STARD13: variants seen among roughly 807,000 people sequenced by gnomAD.
STARD13 encodes the protein StAR related lipid transfer domain containing 13.
Under a neutral mutation model 106.4 loss-of-function variants are expected in STARD13, and 62 were observed. The ratio of observed to expected loss-of-function variants is 0.58; its 90% CI spans 0.48 to 0.72. The LOEUF (loss-of-function observed/expected upper bound fraction) is 0.72. Among genes scored for constraint, STARD13 ranks in the 30% least tolerant of loss-of-function variants. The probability of loss-of-function intolerance (pLI) is 0.00; values close to 1 mark genes in which losing one functional copy is unlikely to be tolerated. For synonymous variants in STARD13, 565 were observed against 553.0 expected (o/e 1.02, Z -0.31); for missense variants, 1,387 against 1,424.0 (o/e 0.97, Z 0.42).
chr13:33,567,109 T>C, the STARD13 span, among the ~76,000 whole-genome samples: 8 of 148,420 alleles, frequency 5.4e-5, 1 homozygote, highest in African/African-American at 2.0e-4. Context: ...GGTTTAAATA[T>C]GTATTGCTGA....
chr13:33,673,197 G>C, the STARD13 span, among the ~76,000 whole-genome samples: 1 of 152,192 alleles, frequency 6.6e-6, no homozygotes, highest in African/African-American at 2.4e-5. Flanking sequence ...AGAATATCAC[G>C]TGTTTAATAT....
chr13:33,459,639 G>T, the STARD13 span, among the ~76,000 whole-genome samples: 1 of 152,146 alleles, frequency 6.6e-6, no homozygotes, highest in Admixed American at 6.5e-5. Context: ...TATGATAGGT[G>T]TGTTTACTTT....
At chr13:33,436,903 C>T in the STARD13 span, among the ~76,000 whole-genome samples, 1 of 152,114 alleles carries the variant, frequency 6.6e-6, no homozygotes, top group African/African-American at 2.4e-5. Context: ...AATCACCTCA[C>T]AAGGGTCAAC....
chr13:33,481,847 TGGC>T, the STARD13 span, among the ~76,000 whole-genome samples: 254 of 109,512 alleles, frequency 2.3e-3, no homozygotes, highest in Non-Finnish European at 2.9e-3. Context: ...GGCGTGGTGG[TGGC>T]GGGCGCCTGT....
At chr13:33,367,373 CA>C in the STARD13 span, among the ~76,000 whole-genome samples, 2,229 of 152,212 alleles carry the variant, frequency 0.015, 46 homozygotes, top group African/African-American at 0.049. Flanking sequence ...CTGCCTTAAA[CA>C]GTTAATCAAT....
chr13:33,499,740 TCCC>T, the STARD13 span, among the ~76,000 whole-genome samples: 23 of 140,450 alleles, frequency 1.6e-4, no homozygotes, highest in African/African-American at 6.2e-4. Context: ...CCTCTCCCTC[TCCC>T]TCTTCTTCTT....
chr13:33,160,869 A>G (rs1450362606), intron 3 of STARD13, among the ~76,000 whole-genome samples: 1 of 152,220 alleles, frequency 6.6e-6, no homozygotes, highest in Non-Finnish European at 1.5e-5. Flanking sequence ...GTTAATTATA[A>G]AGTTAAAATA....
At chr13:33,391,861 G>A in the STARD13 span, among the ~76,000 whole-genome samples, 1 of 152,068 alleles carries the variant, frequency 6.6e-6, no homozygotes, top group Non-Finnish European at 1.5e-5. Flanking sequence ...GCCTCTTGAT[G>A]GGATACCAAA....
chr13:33,516,165 G>T, the STARD13 span, among the ~76,000 whole-genome samples: 1 of 145,506 alleles, frequency 6.9e-6, no homozygotes, highest in African/African-American at 2.5e-5. Context: ...AATATATAAT[G>T]TATATATAAT....
the STARD13 span, among the ~76,000 whole-genome samples, chr13:33,654,242 A>G: frequency 1.3e-5 from 2 of 152,238 alleles, no homozygotes; most frequent in South Asian, 4.1e-4. Context: ...CCAAATGTCC[A>G]TCATCTGATG....
At chr13:33,313,762 C>G (rs936494346) in intron 1 of STARD13, among the ~76,000 whole-genome samples, 1 of 152,122 alleles carries the variant, frequency 6.6e-6, no homozygotes, top group African/African-American at 2.4e-5. Context: ...TAATCCAAGT[C>G]CTCTTACTCT....
the STARD13 span, among the ~76,000 whole-genome samples, chr13:33,651,894 G>A: frequency 1.3e-5 from 2 of 152,134 alleles, no homozygotes; most frequent in Non-Finnish European, 2.9e-5. Flanking sequence ...CCCCACCAAG[G>A]CATCAGGGAT....
Position 33,129,243 on chromosome 13 carries a change from C to T in STARD13, c.1434G>A (p.Glu478=). The T allele has an allele frequency of 6.2e-7, 1 of 1,614,208 alleles. No individual in the cohort carries two copies. Among genetic ancestry groups the T allele is most frequent in the African/African-American group, 1.3e-5 (1 of 75,060 alleles). The stretch of plus-strand genomic sequence containing the variant: ...CCAAGTGAGGGAAAAGGTCATCTTT[C>T]TCCAAGTCCAAAAGATCTCCTGTGC... The part of the protein sequence containing the change: ...YASTGDLLDL[E]KDDLFPHLDD... Residue 478 remains glutamate, a synonymous_variant, in exon 5 of 14, where the codon GAG becomes GAA. Transcript: ENST00000336934.
At chr13:33,373,005 GT>G in the STARD13 span, among the ~76,000 whole-genome samples, 2 of 152,060 alleles carry the variant, frequency 1.3e-5, no homozygotes, top group Non-Finnish European at 2.9e-5. Context: ...TTCTCTGAAA[GT>G]TTATTTCTTT....
At chr13:33,186,128 G>A (rs1286329691) in intron 1 of STARD13, 1 of 1,393,134 alleles carries the variant, frequency 7.2e-7, no homozygotes, top group Non-Finnish European at 9.6e-7. Flanking sequence ...GACCTGCGAA[G>A]CCTCAGCTGA....
intron 1 of STARD13, among the ~76,000 whole-genome samples, chr13:33,182,165 C>A (rs1344983594): frequency 3.3e-5 from 5 of 152,164 alleles, no homozygotes; most frequent in South Asian, 2.1e-4. Context: ...AATAGTTGCA[C>A]TTTATGTATG....
chr13:33,560,455 T>C, the STARD13 span, among the ~76,000 whole-genome samples: 1 of 151,372 alleles, frequency 6.6e-6, no homozygotes, highest in African/African-American at 2.5e-5. Context: ...TTTTCCCCTT[T>C]TCAACAGAAT....
the STARD13 span, among the ~76,000 whole-genome samples, chr13:33,477,095 G>A: frequency 6.6e-6 from 1 of 152,202 alleles, no homozygotes; most frequent in African/African-American, 2.4e-5. Context: ...CCAAACAGCT[G>A]ACAAATTAAG....
the STARD13 span, among the ~76,000 whole-genome samples, chr13:33,636,864 G>C: frequency 6.6e-6 from 1 of 152,134 alleles, no homozygotes; most frequent in East Asian, 1.9e-4. Context: ...CAGGCAGCTG[G>C]TTCTAGGGAC....
Sources: gnomAD v4.1 joint callset for allele counts (sites outside exome capture counted in the v4.1 genomes callset) on GRCh38, gnomAD v4.1.1 for gene constraint, MANE v1.5 for transcripts, NCBI Gene and HGNC (gene_info 2026-07-23, HGNC 2026-07-21) for gene names.